CACNG5: variants seen among roughly 807,000 people sequenced by gnomAD.
CACNG5 encodes the protein voltage-dependent calcium channel gamma-5 subunit.
Under a neutral mutation model 24.8 loss-of-function variants are expected in CACNG5, and 18 were observed. That is an observed-to-expected ratio of 0.73 (90% CI 0.50 to 1.08). CACNG5 has a LOEUF of 1.08. CACNG5 is among the 50% of genes least tolerant of loss of function. The probability of loss-of-function intolerance (pLI) is 0.00; values close to 1 mark genes in which losing one functional copy is unlikely to be tolerated. For missense variants in CACNG5, 349 were observed against 367.9 expected, an observed-to-expected ratio of 0.95 and a Z score of 0.42; for synonymous variants, 157 against 149.1, an observed-to-expected ratio of 1.05 and a Z score of -0.39.
rs563531388 is a variant in CACNG5, at chr17:66,892,782, T to C, written c.*7542T>C. ...GGTGAAGAGACTAAATTAAACCACA[T>C]AAGGTGAGTAGCAGCTATTCAATCC... On this transcript the variant is annotated 3_prime_UTR_variant, in exon 6 of 6. Coordinates refer to ENST00000533854, the MANE Select transcript of CACNG5 (RefSeq NM_145811.3). 1.2e-4 allele frequency among the ~76,000 whole-genome samples: 18 copies of C among 152,328 alleles called. No homozygotes were observed. The highest frequency in any genetic ancestry group is 4.3e-4 in the African/African-American group (18 of 41,580).
In CACNG5 at chr17:66,877,287, G is replaced by T. The variant is rs776498336; in HGVS notation, c.-46G>T. On this transcript the variant is annotated 5_prime_UTR_variant, in exon 2 of 6. Transcript: ENST00000533854. ...TCCCTAGCCCCAGAGCGCAGTCCGT[G>T]CTGGTGGGAGCGTGGCGACTAGTTG... The T allele has an allele frequency of 8.4e-6, 13 of 1,551,884 alleles. No individual in the cohort carries two copies. The highest frequency in any genetic ancestry group is 1.1e-5 in the Non-Finnish European group (13 of 1,130,812).
rs541958501 is a variant in CACNG5 at position 66,852,849 on chromosome 17, C to G, written c.-104+17599C>G. Among the ~76,000 whole-genome samples, 4 of 141,964 alleles carry G rather than the reference C, an allele frequency of 2.8e-5. No homozygotes were observed. The East Asian group carries it at 9.4e-4, about 33-fold the overall frequency. The allele number at this position is 141,964 out of a possible 152,430, so 93.1% of individuals were successfully genotyped here. A position where few individuals can be genotyped will look rare whatever the true frequency, so the allele number is the denominator to read the frequency against. ...TCTTCCCTTCGCTTCCCTTTTCCCT[C>G]CCTCCCTCCCTTCCTTCCTCTCTCT... On this transcript the variant is annotated intron_variant, in intron 1 of 5. Transcript: ENST00000533854.
chr17:66,851,348 C>T (rs917111759), intron 1 of CACNG5, among the ~76,000 whole-genome samples: 1 of 152,184 alleles, frequency 6.6e-6, no homozygotes, highest in African/African-American at 2.4e-5. Context: ...TCTTCCAGGA[C>T]CCAGAGTACA....
chr17:66,837,013 G>C (rs1043436071), intron 1 of CACNG5, among the ~76,000 whole-genome samples: 3 of 152,238 alleles, frequency 2.0e-5, no homozygotes, highest in Non-Finnish European at 2.9e-5. Context: ...AACCCTGCTA[G>C]GTTCCTGACT....
intron 1 of CACNG5, among the ~76,000 whole-genome samples, chr17:66,842,649 G>A (rs903770697): frequency 3.3e-5 from 5 of 152,204 alleles, no homozygotes; most frequent in Non-Finnish European, 5.9e-5. Context: ...AGGACCCACA[G>A]CTCTTGCAGC....
In CACNG5 at chr17:66,862,892, CTGTG is replaced by C. The variant is rs56308917; in HGVS notation, c.-103-14294_-103-14291del. ...ACAACCTTGTCTGCCAGCATATTCTCTGTGTGTGTGTGTGTGTGTGTGTGTGTGT... is the reference window on the plus strand; with the variant it reads ...ACAACCTTGTCTGCCAGCATATTCTCTGTGTGTGTGTGTGTGTGTGTGTGT... On this transcript the variant is annotated intron_variant, in intron 1 of 5. Coordinates refer to ENST00000533854, the MANE Select transcript of CACNG5 (RefSeq NM_145811.3). Among the ~76,000 whole-genome samples the C allele has an allele frequency of 8.6e-3, 1,216 of 142,184 alleles. 18 individuals are homozygous for C. The highest frequency in any genetic ancestry group is 0.031 in the Admixed American group (443 of 14,192). The allele number at this position is 142,184 out of a possible 152,430, so 93.3% of individuals were successfully genotyped here. A position where few individuals can be genotyped will look rare whatever the true frequency, so the allele number is the denominator to read the frequency against.
At chr17:66,864,443 A>C (rs1976902317) in intron 1 of CACNG5, among the ~76,000 whole-genome samples, 1 of 152,234 alleles carries the variant, frequency 6.6e-6, no homozygotes, top group Non-Finnish European at 1.5e-5. Context: ...GTTGTACAAA[A>C]TATAAGTCTT....
chr17:66,852,954 C>T (rs1479155657), intron 1 of CACNG5, among the ~76,000 whole-genome samples: 1 of 150,620 alleles, frequency 6.6e-6, no homozygotes, highest in Non-Finnish European at 1.5e-5. Context: ...TCTTCTCCTC[C>T]TCTCCTTCTC....
rs1053423023 is a variant in CACNG5 at position 66,892,726 on chromosome 17, C to G, written c.*7486C>G. Among the ~76,000 whole-genome samples, 1 of 152,212 alleles carries G rather than the reference C, an allele frequency of 6.6e-6. No homozygotes were observed. Among genetic ancestry groups the G allele is most frequent in the Admixed American group, 6.5e-5 (1 of 15,282 alleles). On this transcript the variant is annotated 3_prime_UTR_variant, in exon 6 of 6. Transcript: ENST00000533854. ...AACACCGTGTAAACTGTAAAGTCCT[C>G]TTTGGACTAAGTTATTTTCATTAAC...
At chr17:66,844,011 G>A (rs1481814521) in intron 1 of CACNG5, among the ~76,000 whole-genome samples, 1 of 152,146 alleles carries the variant, frequency 6.6e-6, no homozygotes, top group Admixed American at 6.5e-5. Context: ...GGGGTCTGGA[G>A]TGATGAACCA....
intron 1 of CACNG5, among the ~76,000 whole-genome samples, chr17:66,842,864 G>T (rs1169800108): frequency 1.3e-5 from 2 of 152,214 alleles, no homozygotes; most frequent in Non-Finnish European, 2.9e-5. Context: ...AGGGTAGAGG[G>T]GTCAGTTCTT....
rs372579078 is a variant in CACNG5, at chr17:66,871,865, G to GAAAC, written c.-103-5349_-103-5346dup. 3.0e-3 allele frequency among the ~76,000 whole-genome samples: 462 copies of GAAAC among 152,052 alleles called. 3 individuals are homozygous for GAAAC. Among genetic ancestry groups the GAAAC allele is most frequent in the African/African-American group, 0.011 (439 of 41,474 alleles). On this transcript the variant is annotated intron_variant, in intron 1 of 5. Coordinates refer to ENST00000533854, the MANE Select transcript of CACNG5 (RefSeq NM_145811.3). ...ACAGAGCGAGACTCCATCTCAAAAA[G>GAAAC]AAACAAACAAACAAACAAAAAACTC...
chr17:66,886,683 A>G lies in CACNG5; in HGVS notation c.*1443A>G, dbSNP rs572780754. Among the ~76,000 whole-genome samples, 23 of 152,358 alleles carry G rather than the reference A, an allele frequency of 1.5e-4. No homozygotes were observed. Among genetic ancestry groups the G allele is most frequent in the African/African-American group, 5.3e-4 (22 of 41,590 alleles). On this transcript the variant is annotated 3_prime_UTR_variant, in exon 6 of 6. Transcript: ENST00000533854. The stretch of plus-strand genomic sequence containing the variant: ...TGGCGACACGTGGGCTCCAGCACGT[A>G]GTCCAGAAAGCTGCACGTCTGGTGT...
chr17:66,847,098 T>G (rs2143036170), intron 1 of CACNG5, among the ~76,000 whole-genome samples: 1 of 152,320 alleles, frequency 6.6e-6, no homozygotes, highest in African/African-American at 2.4e-5. Flanking sequence ...CCTGTTCACT[T>G]CATGGCTCTT....
chr17:66,852,582 A>T (rs1434329545), intron 1 of CACNG5, among the ~76,000 whole-genome samples: 1 of 152,222 alleles, frequency 6.6e-6, no homozygotes, highest in African/African-American at 2.4e-5. Context: ...ACTTTTAAAA[A>T]GGTATAATTA....
intron 1 of CACNG5, among the ~76,000 whole-genome samples, chr17:66,870,419 C>A (rs1486508742): frequency 6.6e-6 from 1 of 152,188 alleles, no homozygotes; most frequent in East Asian, 1.9e-4. Flanking sequence ...CTCAAAGGGA[C>A]AATTTTGTCT....
rs75354960 is a variant in CACNG5, at chr17:66,874,424, G to A, written c.-103-2806G>A. Among the ~76,000 whole-genome samples the A allele has an allele frequency of 6.9e-3, 1,052 of 152,276 alleles. 13 individuals are homozygous for A. The highest frequency in any genetic ancestry group is 0.024 in the African/African-American group (1,007 of 41,540). ...AGCTCTTGGTTCTGCAGGCTGAGAC[G>A]TTCAAGGCCATATCCCTGGCCTGTG... On this transcript the variant is annotated intron_variant, in intron 1 of 5. Transcript: ENST00000533854.
intron 1 of CACNG5, among the ~76,000 whole-genome samples, chr17:66,840,716 C>T (rs1976554309): frequency 6.6e-6 from 1 of 152,202 alleles, no homozygotes; most frequent in African/African-American, 2.4e-5. Context: ...CACTGTCAAA[C>T]CCCTCTGCTC....
intron 4 of CACNG5, 147 bp downstream of exon 4, chr17:66,880,844 C>T (rs1244312544): frequency 3.7e-6 from 3 of 809,044 alleles, no homozygotes; most frequent in Non-Finnish European, 5.9e-6. Context: ...CGGATTCAAG[C>T]AATTCTGCCT....
Sources: allele counts gnomAD v4.1 joint callset (sites outside exome capture counted in the v4.1 genomes callset), GRCh38; gene constraint gnomAD v4.1.1; transcripts MANE v1.5; gene names NCBI Gene and HGNC (gene_info 2026-07-23, HGNC 2026-07-21).